SAP30: variants seen among roughly 807,000 people sequenced by gnomAD.
SAP30 encodes the protein histone deacetylase complex subunit SAP30.
In SAP30, 13 loss-of-function variants were observed where a neutral mutation model predicts 19.6. The ratio of observed to expected loss-of-function variants is 0.66; its 90% CI spans 0.43 to 1.05. The LOEUF (loss-of-function observed/expected upper bound fraction) is 1.05. Among genes scored for constraint, SAP30 ranks in the 50% least tolerant of loss-of-function variants. The probability of loss-of-function intolerance (pLI) is 0.00; values close to 1 mark genes in which losing one functional copy is unlikely to be tolerated. For synonymous variants in SAP30, 108 were observed against 122.7 expected (o/e 0.88, Z 0.79); for missense variants, 257 against 292.1 (o/e 0.88, Z 0.88).
chr4:173,377,230 T>G lies in SAP30; in HGVS notation c.566T>G (p.Ile189Ser). ...VEIVGCHFRS[I>S]PVNEKDTLTY... The stretch of plus-strand genomic sequence containing the variant: ...ATAGTTGGTTGCCACTTTAGGTCTA[T>G]TCCAGTGAATGAAAAAGACACCTTA... The change falls in exon 4 of 4, where the codon ATT becomes AGT. Residue 189 changes from isoleucine (I) to serine (S), a missense_variant. Physicochemically the swap from Ile to Ser is moderately radical, Grantham distance 142 (BLOSUM62 -2). Transcript: ENST00000296504. The G allele has an allele frequency of 6.2e-7, 1 of 1,606,010 alleles. No individual in the cohort carries two copies. Among genetic ancestry groups the G allele is most frequent in the South Asian group, 1.1e-5 (1 of 89,670 alleles).
At position 173,371,340 on chromosome 4, in the gene SAP30, C is replaced by T; in HGVS notation, c.158C>T (p.Ala53Val). ...CCGGGCGCGGGGGCGGTCTCAGCGGCTGGGCCCCCGGGGGCGGCCGGGCCG... is the reference window on the plus strand; with the variant it reads ...CCGGGCGCGGGGGCGGTCTCAGCGGTTGGGCCCCCGGGGGCGGCCGGGCCG... ...EVPGAGAVSA[A>V]GPPGAAGPGP... Residue 53 changes from alanine to valine, a missense_variant, in exon 1 of 4, where the codon GCT (alanine) becomes GTT (valine). Transcript: ENST00000296504. This position sits in a 1 kb window ranked among gnomAD's most constrained non-coding sequence, Gnocchi z 6.4. 1 of 1,418,686 alleles carries T rather than the reference C, an allele frequency of 7.0e-7. No individual in the cohort carries two copies. The highest frequency in any genetic ancestry group is 9.2e-7 in the Non-Finnish European group (1 of 1,092,536). 87.9% of individuals were successfully genotyped at this position (1,418,686 alleles called of 1,614,324 possible).
Position 173,373,437 on chromosome 4 carries a change from T to A in SAP30, c.363T>A (p.Ser121Arg). Reference sequence around the variant, plus strand: ...ATTATCATAAAAACTTAATTCAGAGTGTTCGAAACAGAAGAAAGAGAAAAG... The same window carrying A: ...ATTATCATAAAAACTTAATTCAGAGAGTTCGAAACAGAAGAAAGAGAAAAG... ...ICDYHKNLIQ[S>R]VRNRRKRKGS... is the part of the protein sequence containing the mutation. Residue 121 changes from serine (S) to arginine (R), a missense_variant, in exon 2 of 4, where the codon AGT becomes AGA. By Grantham distance (110) the Ser-to-Arg change is moderately radical. Coordinates refer to ENST00000296504, the MANE Select transcript of SAP30 (RefSeq NM_003864.4). The A allele has an allele frequency of 6.2e-7, 1 of 1,612,160 alleles. No individual in the cohort carries two copies. Among genetic ancestry groups the A allele is most frequent in the South Asian group, 1.1e-5 (1 of 90,850 alleles).
chr4:173,373,418 A>G lies in SAP30; in HGVS notation c.344A>G (p.His115Arg), dbSNP rs1738984990. 3 of 1,611,386 alleles carry G rather than the reference A, an allele frequency of 1.9e-6. No homozygotes were observed. Among genetic ancestry groups the G allele is most frequent in the South Asian group, 1.1e-5 (1 of 90,724 alleles). The change falls in exon 2 of 4, where the codon CAT becomes CGT. Residue 115 changes from histidine to arginine, a missense_variant. Physicochemically the swap from His to Arg is conservative, Grantham distance 29. Transcript: ENST00000296504. ...SARHLYICDYHKNLIQSVRNR... is the reference protein window; with the variant it reads ...SARHLYICDYRKNLIQSVRNR... ...AGGCATCTTTACATATGTGATTATC[A>G]TAAAAACTTAATTCAGAGTGTTCGA...
chr4:173,372,931 T>TG (rs1222931242), intron 1 of SAP30, among the ~76,000 whole-genome samples: 20 of 152,152 alleles, frequency 1.3e-4, no homozygotes, highest in Non-Finnish European at 2.6e-4. Context: ...TACAGGCTAC[T>TG]GCCACCATGC....
rs868045811 is a variant in SAP30, at chr4:173,371,488, G to A, written c.306G>A (p.Leu102=). Residue 102 remains leucine (L), a synonymous_variant, in exon 1 of 4, where the codon CTG becomes CTA. Transcript: ENST00000296504. The surrounding 1 kb of genome is among the most constrained non-coding windows in gnomAD (Gnocchi z 6.4). ...SISQKKVKIE[L]DKSARHLYIC... ...CCCAGAAGAAGGTGAAGATCGAGCTGGATAAGAGCGTAAGTAAACCGCGGG... is the reference window on the plus strand; with the variant it reads ...CCCAGAAGAAGGTGAAGATCGAGCTAGATAAGAGCGTAAGTAAACCGCGGG... 2 of 1,586,436 alleles carry A rather than the reference G, an allele frequency of 1.3e-6. No homozygotes were observed. Among genetic ancestry groups the A allele is most frequent in the Middle Eastern group, 3.3e-4 (2 of 5,988 alleles).
chr4:173,373,317 CAT>C, intron 1 of SAP30, 71 bp from the exon 2 acceptor site: 1 of 1,332,036 alleles, frequency 7.5e-7, no homozygotes, highest in Non-Finnish European at 1.0e-6. Context: ...CTCACTGTGG[CAT>C]ATGTGTTTTA....
chr4:173,371,013 T>C lies in SAP30; in HGVS notation c.-170T>C, dbSNP rs560829030. The C allele has an allele frequency of 6.0e-5, 39 of 644,750 alleles. No individual in the cohort carries two copies. Among genetic ancestry groups the C allele is most frequent in the Non-Finnish European group, 8.2e-5 (37 of 453,054 alleles). The allele number at this position is 644,750 out of a possible 1,614,324, so 39.9% of individuals were successfully genotyped here. ...GTCTGCGTCCCGGCCCTCAGCACTG[T>C]CCACTGTTTCGGTGCCAGCAGAGAC... On this transcript the variant is annotated 5_prime_UTR_variant, in exon 1 of 4. Coordinates refer to ENST00000296504, the MANE Select transcript of SAP30 (RefSeq NM_003864.4). The surrounding 1 kb of genome is among the most constrained non-coding windows in gnomAD (Gnocchi z 6.4).
chr4:173,377,208 G>T lies in SAP30; in HGVS notation c.544G>T (p.Val182Phe). Residue 182 changes from valine (V) to phenylalanine (F), a missense_variant, in exon 4 of 4, where the codon GTT (valine) becomes TTT (phenylalanine). Transcript: ENST00000296504. ...GLNKAQLVEI[V>F]GCHFRSIPVN... The stretch of plus-strand genomic sequence containing the variant: ...TTAATTTTTCTTTTCTTTGTAGATA[G>T]TTGGTTGCCACTTTAGGTCTATTCC... The T allele has an allele frequency of 6.4e-7, 1 of 1,574,658 alleles. No individual in the cohort carries two copies. Among genetic ancestry groups the T allele is most frequent in the South Asian group, 1.2e-5 (1 of 83,756 alleles).
In SAP30 at chr4:173,371,585, C is replaced by T. The variant is rs1252382015; in HGVS notation, c.315+88C>T. ...AAGGCACGGGTTGTCGGCGGGGTCC[C>T]CCAGACAACCGCACTGGCTGCAGTG... On this transcript the variant is annotated intron_variant, in intron 1 of 3. Transcript: ENST00000296504. The surrounding 1 kb of genome is among the most constrained non-coding windows in gnomAD (Gnocchi z 6.4). 1 of 1,510,674 alleles carries T rather than the reference C, an allele frequency of 6.6e-7. No individual in the cohort carries two copies. Among genetic ancestry groups the T allele is most frequent in the Non-Finnish European group, 8.9e-7 (1 of 1,128,226 alleles). 93.6% of individuals were successfully genotyped at this position (1,510,674 alleles called of 1,614,324 possible).
chr4:173,372,901 G>A (rs1330837345), intron 1 of SAP30, among the ~76,000 whole-genome samples: 1 of 152,192 alleles, frequency 6.6e-6, no homozygotes, highest in Admixed American at 6.5e-5. Flanking sequence ...TCCTGCCATA[G>A]CCTCCTGAGT....
chr4:173,374,954 C>T (rs1442749396), intron 3 of SAP30, among the ~76,000 whole-genome samples: 3 of 151,278 alleles, frequency 2.0e-5, no homozygotes, highest in Non-Finnish European at 2.9e-5. Context: ...GAAAAGTTAA[C>T]GGAGCATGCA....
At chr4:173,376,713 G>C (rs1390553938) in intron 3 of SAP30, among the ~76,000 whole-genome samples, 1 of 151,918 alleles carries the variant, frequency 6.6e-6, no homozygotes, top group Non-Finnish European at 1.5e-5. Context: ...CCACCTTCTG[G>C]GTTCAAGCAA....
chr4:173,373,136 T>C (rs1381561877), intron 1 of SAP30, among the ~76,000 whole-genome samples: 1 of 152,078 alleles, frequency 6.6e-6, no homozygotes, highest in Admixed American at 6.6e-5. Context: ...CTCATTCTCC[T>C]CTCCCTCCCT....
chr4:173,376,347 A>G (rs1049916090), intron 3 of SAP30, among the ~76,000 whole-genome samples: 6 of 152,210 alleles, frequency 3.9e-5, no homozygotes, highest in African/African-American at 1.4e-4. Flanking sequence ...TTTATTCAGA[A>G]AAATTTTCAA....
At position 173,370,964 on chromosome 4, in the gene SAP30, G is replaced by C. The variant is rs553478327; in HGVS notation, c.-219G>C. The C allele has an allele frequency of 8.1e-5, 23 of 282,522 alleles. No individual in the cohort carries two copies. Among genetic ancestry groups the C allele is most frequent in the Admixed American group, 7.0e-4 (12 of 17,178 alleles). 17.5% of individuals were successfully genotyped at this position (282,522 alleles called of 1,614,324 possible). A position where few individuals can be genotyped will look rare whatever the true frequency, so the allele number is the denominator to read the frequency against. On this transcript the variant is annotated 5_prime_UTR_variant, in exon 1 of 4. Coordinates refer to ENST00000296504, the MANE Select transcript of SAP30 (RefSeq NM_003864.4). Reference sequence around the variant, plus strand: ...AAGTCCCCATGTGACAGTGAGCGGGGTCCCCGCTCCAGGAGACGCTCGAGT... The same window carrying C: ...AAGTCCCCATGTGACAGTGAGCGGGCTCCCCGCTCCAGGAGACGCTCGAGT...
At chr4:173,374,470 AG>A (rs1392747880) in intron 3 of SAP30, among the ~76,000 whole-genome samples, 1 of 152,132 alleles carries the variant, frequency 6.6e-6, no homozygotes, top group Non-Finnish European at 1.5e-5. Context: ...TAGTAGAGAT[AG>A]GGTTTCACCA....
rs1383235492 is a variant in SAP30, at chr4:173,377,482, A to T, written c.*155A>T. ...TAATAATTAGTTGGAAACTCATATA[A>T]AATGAGCTTTCCTAAATTAAATCTA... On this transcript the variant is annotated 3_prime_UTR_variant, in exon 4 of 4. Transcript: ENST00000296504. The T allele has an allele frequency of 1.3e-5, 8 of 635,306 alleles. No individual in the cohort carries two copies. The highest frequency in any genetic ancestry group is 2.0e-5 in the Non-Finnish European group (8 of 392,410). The allele number at this position is 635,306 out of a possible 1,614,324, so 39.4% of individuals were successfully genotyped here.
chr4:173,371,334 C>T lies in SAP30; in HGVS notation c.152C>T (p.Ser51Leu), dbSNP rs776355348. ...GAEVPGAGAV[S>L]AAGPPGAAGP... ...GAGGTGCCGGGCGCGGGGGCGGTCT[C>T]AGCGGCTGGGCCCCCGGGGGCGGCC... Residue 51 changes from serine to leucine, a missense_variant, in exon 1 of 4, where the codon TCA (serine) becomes TTA (leucine). Transcript: ENST00000296504. The surrounding 1 kb of genome is among the most constrained non-coding windows in gnomAD (Gnocchi z 6.4). 3.6e-6 allele frequency: 5 copies of T among 1,383,474 alleles called. No homozygotes were observed. Among genetic ancestry groups the T allele is most frequent in the South Asian group, 1.5e-5 (1 of 65,046 alleles). The allele number at this position is 1,383,474 out of a possible 1,614,324, so 85.7% of individuals were successfully genotyped here. A position where few individuals can be genotyped will look rare whatever the true frequency, so the allele number is the denominator to read the frequency against.
intron 1 of SAP30, 81 bp from the exon 2 acceptor site, chr4:173,373,309 C>T: frequency 7.8e-7 from 1 of 1,277,274 alleles, no homozygotes; most frequent in East Asian, 2.6e-5. Flanking sequence ...TTTAAGAACT[C>T]ACTGTGGCAT....
Sources: allele counts gnomAD v4.1 joint callset (sites outside exome capture counted in the v4.1 genomes callset), GRCh38; gene constraint gnomAD v4.1.1; non-coding constraint Gnocchi (gnomAD v3.1); transcripts MANE v1.5; gene names NCBI Gene and HGNC (gene_info 2026-07-23, HGNC 2026-07-21).